Variants in CASK observed in about 807,000 individuals in gnomAD.
CASK encodes peripheral plasma membrane protein CASK.
CASK carries 4 observed loss-of-function variants against 82.9 expected under a neutral mutation model. The ratio of observed to expected loss-of-function variants is 0.05; its 90% CI spans 0.02 to 0.11. The LOEUF is 0.11. Among genes scored for constraint, CASK ranks in the 10% least tolerant of loss-of-function variants. The pLI is 1.00. For missense variants in CASK, 358 were observed against 720.9 expected (o/e 0.50, Z 5.76); for synonymous variants, 259 against 253.5 (o/e 1.02, Z -0.20).
At chrX:41,568,853 C>T (rs2065361935) in intron 16 of CASK, among the ~76,000 whole-genome samples, 2 of 111,368 alleles carry the variant, frequency 1.8e-5, no homozygotes, top group Admixed American at 1.9e-4. Context: ...CAAAAGTTAG[C>T]CAGGCATGGT....
chrX:41,679,566 T>A (rs1369278213), intron 5 of CASK, among the ~76,000 whole-genome samples: 1 of 112,365 alleles, frequency 8.9e-6, no homozygotes, highest in Non-Finnish European at 1.9e-5. Flanking sequence ...AAAGCTGTTA[T>A]AATTTATTTC....
intron 3 of CASK, among the ~76,000 whole-genome samples, chrX:41,767,335 T>C (rs781060388): frequency 2.5e-4 from 28 of 111,809 alleles, no homozygotes; most frequent in African/African-American, 8.4e-4. Flanking sequence ...GATGCGTGGA[T>C]TTTAGTACAC....
At chrX:41,767,262 C>T (rs2069135228) in intron 3 of CASK, among the ~76,000 whole-genome samples, 1 of 111,878 alleles carries the variant, frequency 8.9e-6, no homozygotes, top group African/African-American at 3.3e-5. Flanking sequence ...AAATGCGAAA[C>T]CTGCCTATAT....
chrX:41,555,876 A>C (rs1336540524), intron 19 of CASK: 2 of 325,678 alleles, frequency 6.1e-6, no homozygotes, highest in Non-Finnish European at 1.1e-5. Context: ...GTTCTTAAGA[A>C]ACAACTCAGC....
intron 2 of CASK, among the ~76,000 whole-genome samples, chrX:41,791,591 C>T (rs1482475400): frequency 3.7e-5 from 4 of 108,936 alleles, no homozygotes; most frequent in Admixed American, 9.9e-5. Context: ...GGTGTAGTGA[C>T]GTGCACCTGT....
intron 1 of CASK, among the ~76,000 whole-genome samples, chrX:41,873,110 G>C (rs1010779106): frequency 1.8e-5 from 2 of 110,232 alleles, no homozygotes; most frequent in African/African-American, 3.3e-5. Context: ...ATTTCAGAAG[G>C]GGTTTTTATC....
intron 2 of CASK, among the ~76,000 whole-genome samples, chrX:41,841,861 A>G (rs1437695325): frequency 8.9e-6 from 1 of 111,963 alleles, no homozygotes; most frequent in African/African-American, 3.2e-5. Context: ...AAGCATAAAA[A>G]TTTTAAATTA....
At chrX:41,645,054 T>C (rs182639782) in intron 8 of CASK, among the ~76,000 whole-genome samples, 1 of 111,469 alleles carries the variant, frequency 9.0e-6, no homozygotes, top group East Asian at 2.8e-4. Flanking sequence ...AAGTACTTGA[T>C]GTCTGTCACC....
chrX:41,556,332 T>C (rs914850708), intron 19 of CASK: 12 of 112,912 alleles, frequency 1.1e-4, no homozygotes, highest in African/African-American at 3.2e-4. Context: ...TCTGCACCTG[T>C]TAAGTGCTTC....
At chrX:41,650,424 A>G (rs770107406) in intron 8 of CASK, among the ~76,000 whole-genome samples, 214 of 107,267 alleles carry the variant, frequency 2.0e-3, no homozygotes, top group African/African-American at 7.3e-3. Context: ...CTATAGGTGC[A>G]TGGCATCATG....
At chrX:41,667,525 G>A (rs1443602433) in intron 6 of CASK, among the ~76,000 whole-genome samples, 2 of 111,767 alleles carry the variant, frequency 1.8e-5, no homozygotes, top group Admixed American at 9.5e-5. Flanking sequence ...ATCTCAGGGG[G>A]AGAATTGTTC....
chrX:41,830,188 T>C (rs1601878594), intron 2 of CASK, among the ~76,000 whole-genome samples: 1 of 107,831 alleles, frequency 9.3e-6, no homozygotes, highest in East Asian at 3.0e-4. Flanking sequence ...TTTGTAGAGA[T>C]CGGGTCTCAC....
chrX:41,830,614 A>T (rs1465560816), intron 2 of CASK, among the ~76,000 whole-genome samples: 1 of 107,654 alleles, frequency 9.3e-6, no homozygotes, highest in East Asian at 2.9e-4. Flanking sequence ...AAGTCAGTAG[A>T]TCGAGACCAT....
chrX:41,815,534 T>C (rs2147892931), intron 2 of CASK, among the ~76,000 whole-genome samples: 1 of 111,220 alleles, frequency 9.0e-6, no homozygotes, highest in South Asian at 3.8e-4. Flanking sequence ...ATTAAAAAAA[T>C]ATATTATCTC....
chrX:41,629,517 A>G (rs1239831557), intron 9 of CASK, among the ~76,000 whole-genome samples: 2 of 111,918 alleles, frequency 1.8e-5, no homozygotes, highest in Non-Finnish European at 3.8e-5. Context: ...CATAATGAAG[A>G]GTAGACATAA....
chrX:41,916,494 G>A (rs770926806), intron 1 of CASK, among the ~76,000 whole-genome samples: 64 of 111,610 alleles, frequency 5.7e-4, no homozygotes, highest in African/African-American at 2.0e-3. Flanking sequence ...ACTGTCAGTT[G>A]CAACTAAAAA....
At chrX:41,673,250 A>C (rs1188364291) in intron 5 of CASK, among the ~76,000 whole-genome samples, 6 of 111,034 alleles carry the variant, frequency 5.4e-5, no homozygotes, top group Non-Finnish European at 1.1e-4. Context: ...AATCCTTAAG[A>C]CAAGTTATAA....
chrX:41,726,804 TTTTGTC>T (rs2068268418), intron 5 of CASK: 1 of 277,137 alleles, frequency 3.6e-6, no homozygotes, highest in East Asian at 5.3e-5. Flanking sequence ...ATAAGTAACT[TTTTGTC>T]TTTATTTCAA....
At chrX:41,841,089 C>T in intron 2 of CASK, among the ~76,000 whole-genome samples, 1 of 111,907 alleles carries the variant, frequency 8.9e-6, no homozygotes, top group Non-Finnish European at 1.9e-5. Flanking sequence ...TCATAGGGTG[C>T]TCTAAGTTCA....
Sources: allele counts gnomAD v4.1 joint callset (sites outside exome capture counted in the v4.1 genomes callset), GRCh38; gene constraint gnomAD v4.1.1; transcripts MANE v1.5; gene names NCBI Gene and HGNC (gene_info 2026-07-23, HGNC 2026-07-21).